The following TET1 variants were observed in gnomAD, a reference collection of about 807,000 sequenced individuals.
The protein encoded by TET1 is tet methylcytosine dioxygenase 1, also known as methylcytosine dioxygenase TET1.
Under a neutral mutation model 148.7 loss-of-function variants are expected in TET1, and 13 were observed. The ratio of observed to expected loss-of-function variants is 0.09; its 90% confidence interval spans 0.06 to 0.14. TET1 has a LOEUF of 0.14. Ranked by LOEUF, TET1 falls within the 10% of genes least tolerant of loss-of-function variation. TET1 has a pLI of 1.00. For synonymous variants in TET1, 907 were observed against 937.2 expected (o/e 0.97, Z 0.59); for missense variants, 2,182 against 2,553.8 (o/e 0.85, Z 3.14).
rs181156409 is a variant in TET1, at chr10:68,631,242, G to C, written c.1969-13456G>C. Among the ~76,000 whole-genome samples the C allele has an allele frequency of 1.7e-3, 252 of 152,258 alleles. 1 individual carries two copies. The highest frequency in any genetic ancestry group is 5.9e-3 in the African/African-American group (247 of 41,544). On this transcript the variant is annotated intron_variant, in intron 3 of 11. Coordinates refer to ENST00000373644, the MANE Select transcript of TET1 (RefSeq NM_030625.3). ...ATGATTCTGGCATTCCATTGAATTT[G>C]GCAGTGGGGACTACGTTGGTGAATA... is the stretch of plus-strand genomic sequence containing the variant.
chr10:68,645,161 T>A lies in TET1; in HGVS notation c.2432T>A (p.Met811Lys). The A allele has an allele frequency of 6.2e-7, 1 of 1,614,170 alleles. No individual in the cohort carries two copies. Among genetic ancestry groups the A allele is most frequent in the Admixed American group, 1.7e-5 (1 of 60,022 alleles). ...KNAMSSVATD[M>K]SCDHLKGRSN... Reference sequence around the variant, plus strand: ...GCTATGAGCTCTGTTGCTACTGATATGAGTTGTGATCATCTCAAGGGGAGA... The same window carrying A: ...GCTATGAGCTCTGTTGCTACTGATAAGAGTTGTGATCATCTCAAGGGGAGA... Residue 811 changes from methionine to lysine, a missense_variant, in exon 4 of 12, where the codon ATG becomes AAG. Met to Lys is a moderately conservative substitution (Grantham distance 95). Transcript: ENST00000373644.
intron 1 of TET1, among the ~76,000 whole-genome samples, chr10:68,565,374 G>A (rs907113525): frequency 6.6e-6 from 1 of 151,020 alleles, no homozygotes; most frequent in Non-Finnish European, 1.5e-5. Flanking sequence ...CCAGCTACTT[G>A]GGAAGCTGAG....
chr10:68,572,011 G>A lies in TET1; in HGVS notation c.-122-206G>A, dbSNP rs941691562. ...GTGAGCCTGCAGTCCTAGCTACTTG[G>A]GGGGCTGAAGTGGGAAGATTGCTTG... On this transcript the variant is annotated intron_variant, in intron 1 of 11. Coordinates refer to ENST00000373644, the MANE Select transcript of TET1 (RefSeq NM_030625.3). 9.9e-5 allele frequency among the ~76,000 whole-genome samples: 15 copies of A among 152,120 alleles called. 1 individual carries two copies. Among genetic ancestry groups the A allele is most frequent in the Admixed American group, 4.6e-4 (7 of 15,278 alleles).
At chr10:68,563,801 C>T (rs894445551) in intron 1 of TET1, among the ~76,000 whole-genome samples, 1 of 152,210 alleles carries the variant, frequency 6.6e-6, no homozygotes, top group African/African-American at 2.4e-5. Context: ...CCTGCCTCAG[C>T]CTCCCAAGTA....
chr10:68,692,051 A>G lies in TET1; in HGVS notation c.*237A>G. ...AAAGTTTTATAGTTTTAAATACATA[A>G]AGAAATGTTTCAGTTAGGCATTAAC... On this transcript the variant is annotated 3_prime_UTR_variant, in exon 12 of 12. Transcript: ENST00000373644. 1 of 476,878 alleles carries G rather than the reference A, an allele frequency of 2.1e-6. No homozygotes were observed. The highest frequency in any genetic ancestry group is 3.6e-6 in the Non-Finnish European group (1 of 275,402). 29.5% of individuals were successfully genotyped at this position (476,878 alleles called of 1,614,324 possible). A position where few individuals can be genotyped will look rare whatever the true frequency, so the allele number is the denominator to read the frequency against.
rs1564504100 is a variant in TET1 at position 68,672,510 on chromosome 10, A to AAAC, written c.4674-384_4674-383insACA. Among the ~76,000 whole-genome samples, 265 of 144,456 alleles carry AAAC rather than the reference A, an allele frequency of 1.8e-3. 6 individuals are homozygous for AAAC. Among genetic ancestry groups the AAAC allele is most frequent in the African/African-American group, 6.6e-3 (252 of 37,936 alleles). 94.8% of individuals were successfully genotyped at this position (144,456 alleles called of 152,430 possible). On this transcript the variant is annotated intron_variant, in intron 7 of 11. Transcript: ENST00000373644. ...CTCAAAAAAAAAAAAAAAAAAAAAA[A>AAAC]ACACCAAAAAAAAAAAAAAGAAAAA...
At chr10:68,616,864 C>T (rs1435099383) in intron 3 of TET1, among the ~76,000 whole-genome samples, 3 of 151,412 alleles carry the variant, frequency 2.0e-5, no homozygotes, top group Non-Finnish European at 4.4e-5. Flanking sequence ...CCCACCACGA[C>T]GCCCAGCTAA....
intron 1 of TET1, among the ~76,000 whole-genome samples, chr10:68,563,206 C>G (rs1016113135): frequency 2.0e-5 from 3 of 152,044 alleles, no homozygotes; most frequent in Admixed American, 6.6e-5. Context: ...ATGGAAGGAG[C>G]CATTGACTAA....
intron 3 of TET1, among the ~76,000 whole-genome samples, chr10:68,613,842 G>A (rs567146382): frequency 1.3e-5 from 2 of 152,168 alleles, no homozygotes; most frequent in Admixed American, 6.5e-5. Flanking sequence ...GGAGGCTGAG[G>A]CAGGAGAATC....
At chr10:68,563,853 T>C (rs2053580093) in intron 1 of TET1, among the ~76,000 whole-genome samples, 1 of 152,130 alleles carries the variant, frequency 6.6e-6, no homozygotes, top group African/African-American at 2.4e-5. Flanking sequence ...GGCTAATTTT[T>C]GTATTTTTAG....
Position 68,565,720 on chromosome 10 carries a change from G to A in TET1, c.-123+4978G>A, listed in dbSNP as rs150759195. Among the ~76,000 whole-genome samples the A allele has an allele frequency of 5.6e-3, 847 of 152,088 alleles. 8 individuals carry two copies. The highest frequency in any genetic ancestry group is 0.027 in the Admixed American group (407 of 15,238). ...AGGATAAACTTACTGCCCCTACTCC[G>A]TGAGTTCGGCTCTTGGGACAACTTA... is the stretch of plus-strand genomic sequence containing the variant. On this transcript the variant is annotated intron_variant, in intron 1 of 11. Coordinates refer to ENST00000373644, the MANE Select transcript of TET1 (RefSeq NM_030625.3).
intron 3 of TET1, among the ~76,000 whole-genome samples, chr10:68,628,234 A>G: frequency 6.6e-6 from 1 of 152,202 alleles, no homozygotes; most frequent in Admixed American, 6.5e-5. Flanking sequence ...GGCATGAGCC[A>G]CTGCCCCCGG....
chr10:68,616,998 C>T (rs1454588571), intron 3 of TET1, among the ~76,000 whole-genome samples: 5 of 112,688 alleles, frequency 4.4e-5, no homozygotes, highest in African/African-American at 1.0e-4. Context: ...TGAGCCACCG[C>T]GCCTGGCCTT....
chr10:68,632,849 A>AG (rs1048487355), intron 3 of TET1: 21 of 784,400 alleles, frequency 2.7e-5, no homozygotes, highest in South Asian at 3.7e-5. Context: ...AAAAAAAAAA[A>AG]AAAGAAAGAA....
chr10:68,660,204 T>C (rs1564497634), intron 6 of TET1, among the ~76,000 whole-genome samples: 1 of 152,196 alleles, frequency 6.6e-6, no homozygotes, highest in Non-Finnish European at 1.5e-5. Flanking sequence ...CAAATAAGAT[T>C]GTGTTACAGG....
chr10:68,567,921 G>A (rs1419536954), intron 1 of TET1, among the ~76,000 whole-genome samples: 1 of 152,078 alleles, frequency 6.6e-6, no homozygotes, highest in African/African-American at 2.4e-5. Context: ...CCATGAGATG[G>A]AGGCTGGAGT....
intron 3 of TET1, among the ~76,000 whole-genome samples, chr10:68,620,577 C>A (rs995887809): frequency 2.0e-5 from 3 of 151,670 alleles, no homozygotes; most frequent in Non-Finnish European, 4.4e-5. Flanking sequence ...ATTTGTACAC[C>A]ACCCCCACCC....
At chr10:68,654,106 C>CAAAAAAAAA (rs66890965) in intron 6 of TET1, among the ~76,000 whole-genome samples, 1 of 85,038 alleles carries the variant, frequency 1.2e-5, no homozygotes, top group Non-Finnish European at 2.1e-5. Context: ...AAAATGTCTC[C>CAAAAAAAAA]AAAAAAAAAA....
At chr10:68,595,772 C>T (rs2053971416) in intron 2 of TET1, among the ~76,000 whole-genome samples, 2 of 147,864 alleles carry the variant, frequency 1.4e-5, no homozygotes, top group Non-Finnish European at 3.0e-5. Flanking sequence ...CAAGCGCCAC[C>T]AGGTCTGGCT....
Sources: allele counts gnomAD v4.1 joint callset (sites outside exome capture counted in the v4.1 genomes callset), GRCh38; gene constraint gnomAD v4.1.1; transcripts MANE v1.5; gene names NCBI Gene and HGNC (gene_info 2026-07-23, HGNC 2026-07-21).